SPEN: variants seen among roughly 807,000 people sequenced by gnomAD.
SPEN encodes spen family transcriptional repressor, also known as msx2-interacting protein.
A neutral mutation model predicts 269.9 loss-of-function variants in SPEN; 18 were observed. That is an observed-to-expected ratio of 0.07 (90% CI 0.05 to 0.10). The LOEUF (loss-of-function observed/expected upper bound fraction) is 0.10, where lower values mean the gene tolerates loss of function less well. Among genes scored for constraint, SPEN ranks in the 10% least tolerant of loss-of-function variants. SPEN has a pLI of 1.00. For missense variants in SPEN, 3,822 were observed against 4,631.2 expected, an observed-to-expected ratio of 0.83 and a Z score of 5.07; for synonymous variants, 1,726 against 1,765.7, an observed-to-expected ratio of 0.98 and a Z score of 0.56.
intron 3 of SPEN, among the ~76,000 whole-genome samples, chr1:15,890,557 G>GAT (rs1253450395): frequency 3.6e-5 from 5 of 139,460 alleles, no homozygotes; most frequent in South Asian, 2.2e-4. Context: ...TTTTGACTCA[G>GAT]GTTTTTTTTT....
rs748720471 is a variant in SPEN, at chr1:15,935,595, TCTC to T, written c.9359_9361del (p.Pro3120del). ...CAGCATCCGGCCAGAAGCGCTTCACTCTCCTCGGGCTCCGCTGCAGCCCCAGCA... is the reference window on the plus strand; with the variant it reads ...CAGCATCCGGCCAGAAGCGCTTCACTCTCGGGCTCCGCTGCAGCCCCAGCA... On this transcript the variant is annotated inframe_deletion, in exon 11 of 15. Transcript: ENST00000375759. This position sits in a 1 kb window ranked among gnomAD's most constrained non-coding sequence, Gnocchi z 7.7. 7.8e-5 allele frequency: 126 copies of T among 1,613,772 alleles called. No homozygotes were observed. The East Asian group carries it at 2.8e-3, about 36-fold the overall frequency.
At position 15,928,564 on chromosome 1, in the gene SPEN, A is replaced by C. The variant is rs2071191044; in HGVS notation, c.2324A>C (p.Glu775Ala). Reference protein sequence around the residue: ...SCSSLSPPRYEKLDKSRLERY... With the variant: ...SCSSLSPPRYAKLDKSRLERY... ...AGCTCACTCTCCCCTCCAAGATATG[A>C]GAAACTGGACAAGTCTCGTTTGGAG... The change falls in exon 11 of 15, where the codon GAG (glutamate) becomes GCG (alanine). Residue 775 changes from glutamate to alanine, a missense_variant. Around this residue, in one of 16 missense-constraint regions of SPEN, gnomAD observed 572 missense variants for 582.6 expected, o/e 0.98. Coordinates refer to ENST00000375759, the MANE Select transcript of SPEN (RefSeq NM_015001.3). The surrounding 1 kb of genome is among the most constrained non-coding windows in gnomAD (Gnocchi z 5.7). 4 of 1,614,156 alleles carry C rather than the reference A, an allele frequency of 2.5e-6. No homozygotes were observed. In the African/African-American group the frequency reaches 4.0e-5, roughly 16 times the overall value.
At chr1:15,904,647 A>AT (rs2070938086) in intron 3 of SPEN, among the ~76,000 whole-genome samples, 1 of 140,656 alleles carries the variant, frequency 7.1e-6, no homozygotes, top group Non-Finnish European at 1.5e-5. Flanking sequence ...AGAGTGTGAT[A>AT]ATTTTTTTTT....
chr1:15,893,338 G>A (rs1327567533), intron 3 of SPEN, among the ~76,000 whole-genome samples: 1 of 152,158 alleles, frequency 6.6e-6, no homozygotes, highest in Non-Finnish European at 1.5e-5. Flanking sequence ...GATGGTGGTA[G>A]GGAGGGGCAG....
At position 15,928,801 on chromosome 1, in the gene SPEN, G is replaced by A. The variant is rs1487428602; in HGVS notation, c.2561G>A (p.Cys854Tyr). The change falls in exon 11 of 15, where the codon TGT becomes TAT. Residue 854 changes from cysteine (C) to tyrosine (Y), a missense_variant. Physicochemically the swap from Cys to Tyr is radical, Grantham distance 194. Around this residue, in one of 16 missense-constraint regions of SPEN, gnomAD observed 572 missense variants for 582.6 expected, o/e 0.98. Coordinates refer to ENST00000375759, the MANE Select transcript of SPEN (RefSeq NM_015001.3). This position sits in a 1 kb window ranked among gnomAD's most constrained non-coding sequence, Gnocchi z 5.7. ...CAAAGCCCTGAAAAGCCCAGGAGTT[G>A]TAATAAACTGAGCAGAGAGAAAGCT... ...REQSPEKPRS[C>Y]NKLSREKADK... 2 of 1,614,016 alleles carry A rather than the reference G, an allele frequency of 1.2e-6. No homozygotes were observed. Among genetic ancestry groups the A allele is most frequent in the African/African-American group, 1.3e-5 (1 of 74,898 alleles).
chr1:15,933,631 A>G lies in SPEN; in HGVS notation c.7391A>G (p.Asp2464Gly). The G allele has an allele frequency of 6.2e-7, 1 of 1,614,038 alleles. No homozygotes were observed. Among genetic ancestry groups the G allele is most frequent in the Non-Finnish European group, 8.5e-7 (1 of 1,179,996 alleles). ...AGTGACCCGGTGACCCCACCCAGCG[A>G]TCCAAGCATCCCCATACCCACACTG... is the stretch of plus-strand genomic sequence containing the variant. Reference protein sequence around the residue: ...IESDPVTPPSDPSIPIPTLPS... With the variant: ...IESDPVTPPSGPSIPIPTLPS... Residue 2464 changes from aspartate to glycine, a missense_variant, in exon 11 of 15, where the codon GAT becomes GGT. By Grantham distance (94) the Asp-to-Gly change is moderately conservative. Around this residue, in one of 16 missense-constraint regions of SPEN, gnomAD observed 727 missense variants for 737.9 expected, o/e 0.99. Transcript: ENST00000375759. The surrounding 1 kb of genome is among the most constrained non-coding windows in gnomAD (Gnocchi z 5.7).
intron 3 of SPEN, among the ~76,000 whole-genome samples, chr1:15,895,588 C>G (rs1489089842): frequency 6.6e-6 from 1 of 151,862 alleles, no homozygotes; most frequent in Non-Finnish European, 1.5e-5. Flanking sequence ...CAACATAATC[C>G]TTTTGCTTAA....
At chr1:15,903,348 T>G (rs1023891276) in intron 3 of SPEN, among the ~76,000 whole-genome samples, 8 of 152,220 alleles carry the variant, frequency 5.3e-5, no homozygotes, top group Non-Finnish European at 1.0e-4. Context: ...TTACAAATTA[T>G]AAGAAATAAT....
At chr1:15,874,093 A>T (rs1207333969) in intron 2 of SPEN, 1 of 1,351,056 alleles carries the variant, frequency 7.4e-7, no homozygotes, top group Non-Finnish European at 9.9e-7. Context: ...TACCTGATTC[A>T]TACTTAGGGC....
rs768562805 is a variant in SPEN at position 15,931,480 on chromosome 1, G to A, written c.5240G>A (p.Ser1747Asn). ...TPGASFSQAE[S>N]NVDPEPDSTQ... Reference sequence around the variant, plus strand: ...GGGGCCTCGTTTTCCCAGGCAGAGAGCAACGTAGATCCAGAGCCTGACAGT... The same window carrying A: ...GGGGCCTCGTTTTCCCAGGCAGAGAACAACGTAGATCCAGAGCCTGACAGT... The change falls in exon 11 of 15, where the codon AGC (serine) becomes AAC (asparagine). Residue 1747 changes from serine to asparagine, a missense_variant. Ser to Asn is a conservative substitution (Grantham distance 46, BLOSUM62 1). This residue lies in a region of SPEN where 533 missense variants were observed against 618.8 expected (regional missense o/e 0.86). Coordinates refer to ENST00000375759, the MANE Select transcript of SPEN (RefSeq NM_015001.3). The surrounding 1 kb of genome is among the most constrained non-coding windows in gnomAD (Gnocchi z 4.8). 1.2e-5 allele frequency: 19 copies of A among 1,614,160 alleles called. 1 individual carries two copies. The South Asian group carries it at 1.6e-4, about 14-fold the overall frequency.
intron 1 of SPEN, among the ~76,000 whole-genome samples, chr1:15,855,970 G>A (rs532511613): frequency 6.8e-6 from 1 of 147,306 alleles, no homozygotes; most frequent in Non-Finnish European, 1.5e-5. Context: ...TTACTTTATT[G>A]TGTGAAAAGG....
Position 15,933,085 on chromosome 1 carries a change from C to G in SPEN, c.6845C>G (p.Ser2282Cys). ...GAAACTGAGGCTGCTACAGAATCTT[C>G]TAGGCCTCCAGTCAATGCTCCTGAC... ...ILETEAATES[S>C]RPPVNAPDPS... Residue 2282 changes from serine to cysteine, a missense_variant, in exon 11 of 15, where the codon TCT becomes TGT. Ser to Cys is a moderately radical substitution (Grantham distance 112). Around this residue, in one of 16 missense-constraint regions of SPEN, gnomAD observed 727 missense variants for 737.9 expected, o/e 0.99. Coordinates refer to ENST00000375759, the MANE Select transcript of SPEN (RefSeq NM_015001.3). The surrounding 1 kb of genome is among the most constrained non-coding windows in gnomAD (Gnocchi z 5.7). 6.2e-7 allele frequency: 1 copy of G among 1,614,174 alleles called. No homozygotes were observed. The highest frequency in any genetic ancestry group is 8.5e-7 in the Non-Finnish European group (1 of 1,179,976).
chr1:15,923,318 A>G (rs1490924700), intron 10 of SPEN, among the ~76,000 whole-genome samples: 1 of 152,214 alleles, frequency 6.6e-6, no homozygotes, highest in East Asian at 1.9e-4. Context: ...ATGCCACCAG[A>G]TTCTTCAATA....
Position 15,848,804 on chromosome 1 carries a change from C to A in SPEN, c.83+654C>A, listed in dbSNP as rs1329321237. Among the ~76,000 whole-genome samples, 1 of 151,990 alleles carries A rather than the reference C, an allele frequency of 6.6e-6. No homozygotes were observed. Among genetic ancestry groups the A allele is most frequent in the Non-Finnish European group, 1.5e-5 (1 of 67,980 alleles). ...GAGAGTGGTGTGAAATAAGTTGGTGCGCCCGTTTGGGCTTCCTCGTCCCCG... is the reference window on the plus strand; with the variant it reads ...GAGAGTGGTGTGAAATAAGTTGGTGAGCCCGTTTGGGCTTCCTCGTCCCCG... On this transcript the variant is annotated intron_variant, in intron 1 of 14. Transcript: ENST00000375759. The surrounding 1 kb of genome is among the most constrained non-coding windows in gnomAD (Gnocchi z 5.1).
Position 15,932,189 on chromosome 1 carries a change from G to A in SPEN, c.5949G>A (p.Ser1983=), listed in dbSNP as rs774448601. ...TCAAGCCACCTGAGGGATGGCGGTC[G>A]CCAAGGTCCCAGAAAACTGCAGCTG... The part of the protein sequence containing the change: ...ETLKPPEGWR[S]PRSQKTAAGG... The change falls in exon 11 of 15, where the codon TCG becomes TCA. Residue 1983 remains serine (S), a synonymous_variant. Coordinates refer to ENST00000375759, the MANE Select transcript of SPEN (RefSeq NM_015001.3). This position sits in a 1 kb window ranked among gnomAD's most constrained non-coding sequence, Gnocchi z 4.2. 7.5e-5 allele frequency: 121 copies of A among 1,611,728 alleles called. No homozygotes were observed. The highest frequency in any genetic ancestry group is 8.9e-5 in the Non-Finnish European group (105 of 1,179,374).
chr1:15,854,787 A>G (rs927662674), intron 1 of SPEN, among the ~76,000 whole-genome samples: 1 of 152,122 alleles, frequency 6.6e-6, no homozygotes, highest in Non-Finnish European at 1.5e-5. Context: ...GGCCAAAACC[A>G]TGTAATTTTT....
chr1:15,850,396 A>G (rs1011159897), intron 1 of SPEN, among the ~76,000 whole-genome samples: 10 of 33,656 alleles, frequency 3.0e-4, no homozygotes, highest in African/African-American at 1.4e-3. Context: ...CTTTTATTTT[A>G]AAGGTTTTTT....
rs143050516 is a variant in SPEN at position 15,930,790 on chromosome 1, A to T, written c.4550A>T (p.Glu1517Val). The T allele has an allele frequency of 4.4e-4, 705 of 1,614,084 alleles. 1 individual carries two copies. Among genetic ancestry groups the T allele is most frequent in the Non-Finnish European group, 5.4e-4 (639 of 1,180,044 alleles). Reference sequence around the variant, plus strand: ...GATGATAAGAAAGAGGACCATAAAGAAGAAGAGCAAGAGAGGCAGGAATTG... The same window carrying T: ...GATGATAAGAAAGAGGACCATAAAGTAGAAGAGCAAGAGAGGCAGGAATTG... ...KMDDKKEDHK[E>V]EEQERQELFA... The change falls in exon 11 of 15, where the codon GAA becomes GTA. Residue 1517 changes from glutamate (E) to valine (V), a missense_variant. Around this residue, in one of 16 missense-constraint regions of SPEN, gnomAD observed 533 missense variants for 618.8 expected, o/e 0.86. Transcript: ENST00000375759. The surrounding 1 kb of genome is among the most constrained non-coding windows in gnomAD (Gnocchi z 5.3).
chr1:15,926,378 TATAC>T (rs1302208160), intron 10 of SPEN, among the ~76,000 whole-genome samples: 22 of 143,586 alleles, frequency 1.5e-4, no homozygotes, highest in Admixed American at 4.9e-4. Flanking sequence ...AGCTCAGATA[TATAC>T]ATACACACAC....
Sources: allele counts gnomAD v4.1 joint callset (sites outside exome capture counted in the v4.1 genomes callset), GRCh38; gene constraint gnomAD v4.1.1; regional missense constraint gnomAD v4.1.1; non-coding constraint Gnocchi (gnomAD v3.1); transcripts MANE v1.5; gene names NCBI Gene and HGNC (gene_info 2026-07-23, HGNC 2026-07-21).